Variants in STPG2 observed in about 807,000 individuals in gnomAD.
The protein encoded by STPG2 is sperm tail PG-rich repeat containing 2, also known as sperm-tail PG-rich repeat-containing protein 2.
Under a neutral mutation model 54.2 loss-of-function variants are expected in STPG2, and 56 were observed. The observed-to-expected ratio is 1.03, with a 90% CI of 0.83 to 1.29. The LOEUF (loss-of-function observed/expected upper bound fraction) is 1.29. STPG2 is among the 50% of genes most tolerant of loss of function. The probability of loss-of-function intolerance (pLI) is 0.00; values close to 1 mark genes in which losing one functional copy is unlikely to be tolerated. For synonymous variants in STPG2, 200 were observed against 181.8 expected (o/e 1.10, Z -0.81); for missense variants, 596 against 544.9 (o/e 1.09, Z -0.93).
chr4:97,565,553 G>A (rs150028082), intron 10 of STPG2, among the ~76,000 whole-genome samples: 6,002 of 152,062 alleles, frequency 0.039, 323 homozygotes, highest in African/African-American at 0.12. Flanking sequence ...TTTTTTCCCC[G>A]TCTTTGTGGT....
At chr4:97,992,981 G>A (rs1396580720) in intron 5 of STPG2, among the ~76,000 whole-genome samples, 1 of 152,140 alleles carries the variant, frequency 6.6e-6, no homozygotes, top group Non-Finnish European at 1.5e-5. Context: ...GAGCTTTTTG[G>A]ATGAATCTTT....
intron 4 of STPG2, among the ~76,000 whole-genome samples, chr4:97,483,706 T>C (rs1730281450): frequency 6.6e-6 from 1 of 151,758 alleles, no homozygotes; most frequent in Admixed American, 6.6e-5. Context: ...ATTTGAACTA[T>C]ACCATGAAAC....
intron 9 of STPG2, among the ~76,000 whole-genome samples, chr4:97,821,319 G>A (rs535949653): frequency 6.6e-6 from 1 of 152,342 alleles, no homozygotes; most frequent in African/African-American, 2.4e-5. Flanking sequence ...GCAAACTGCA[G>A]TAAGGAGTGG....
chr4:98,032,621 C>T (rs1279176888), intron 5 of STPG2, among the ~76,000 whole-genome samples: 1 of 152,154 alleles, frequency 6.6e-6, no homozygotes, highest in Non-Finnish European at 1.5e-5. Flanking sequence ...ACTCTCCACC[C>T]CAAATCAACA....
intron 4 of STPG2, among the ~76,000 whole-genome samples, chr4:97,467,623 T>G (rs141487294): frequency 6.6e-6 from 1 of 151,974 alleles, no homozygotes; most frequent in Non-Finnish European, 1.5e-5. Flanking sequence ...GTTAACTGAC[T>G]ATACTCAAAA....
chr4:97,548,487 T>C (rs763407734), intron 4 of STPG2, among the ~76,000 whole-genome samples: 8 of 152,206 alleles, frequency 5.3e-5, no homozygotes, highest in Non-Finnish European at 8.8e-5. Flanking sequence ...TGTTCACAAC[T>C]ACATTCCCAG....
chr4:98,132,935 C>G (rs1485691360), intron 2 of STPG2, among the ~76,000 whole-genome samples: 3 of 135,504 alleles, frequency 2.2e-5, no homozygotes, highest in Non-Finnish European at 3.2e-5. Flanking sequence ...AAATTTTTAC[C>G]CCTGAAATGA....
chr4:97,784,139 G>A (rs1307127056), intron 9 of STPG2, among the ~76,000 whole-genome samples: 1 of 149,200 alleles, frequency 6.7e-6, no homozygotes, highest in Non-Finnish European at 1.5e-5. Flanking sequence ...AAAACACTCA[G>A]CCTAGGCAAC....
At chr4:97,981,816 T>TTATATATATAAAATGTTTATATATATA (rs1560621629) in intron 5 of STPG2, among the ~76,000 whole-genome samples, 2 of 129,266 alleles carry the variant, frequency 1.5e-5, no homozygotes, top group African/African-American at 5.7e-5. Context: ...CTTATTAACA[T>TTATATATATAAAATGTTTATATATATA]TATATATATA....
At chr4:97,495,078 A>G (rs1730578563) in intron 4 of STPG2, among the ~76,000 whole-genome samples, 1 of 151,576 alleles carries the variant, frequency 6.6e-6, no homozygotes, top group Non-Finnish European at 1.5e-5. Context: ...TTAGTGTTTC[A>G]GAGAACAATT....
At chr4:97,840,500 GT>G (rs548852172) in intron 9 of STPG2, among the ~76,000 whole-genome samples, 22 of 151,702 alleles carry the variant, frequency 1.5e-4, no homozygotes, top group Admixed American at 8.6e-4. Context: ...TGCAAATGTT[GT>G]TTACAATCAC....
intron 9 of STPG2, 107 bp from the exon 10 acceptor site, chr4:97,712,921 A>C (rs1350937235): frequency 3.3e-6 from 2 of 606,228 alleles, no homozygotes; most frequent in Admixed American, 7.5e-5. Context: ...ATTAGCATGA[A>C]ACAATCTTGA....
intron 5 of STPG2, among the ~76,000 whole-genome samples, chr4:98,013,581 T>G (rs973072773): frequency 6.1e-5 from 1 of 16,366 alleles, no homozygotes; most frequent in South Asian, 2.8e-3. Flanking sequence ...GGTCCTGGGC[T>G]TTTTTTTTTT....
chr4:97,650,604 G>T (rs1426343680), intron 10 of STPG2, among the ~76,000 whole-genome samples: 1 of 152,106 alleles, frequency 6.6e-6, no homozygotes, highest in African/African-American at 2.4e-5. Flanking sequence ...TGAGATAAAA[G>T]ATTGTGGAGA....
Position 98,143,080 on chromosome 4 carries a change from C to G in STPG2, c.71G>C (p.Gly24Ala), listed in dbSNP as rs1405507350. ...CTTCAGGAAAGGTACCTGGTAGGATCCAGGACCCACATGGGCCTCAGTGCT... is the reference window on the plus strand; with the variant it reads ...CTTCAGGAAAGGTACCTGGTAGGATGCAGGACCCACATGGGCCTCAGTGCT... ...GGSTEAHVGP[G>A]SYQVPFLKQQ... Residue 24 changes from glycine (G) to alanine (A), a missense_variant, in exon 1 of 11, where the codon GGA becomes GCA. By Grantham distance (60) the Gly-to-Ala change is moderately conservative (BLOSUM62 0). Transcript: ENST00000295268. 6.2e-7 allele frequency: 1 copy of G among 1,613,814 alleles called. No individual in the cohort carries two copies. The highest frequency in any genetic ancestry group is 1.7e-5 in the Admixed American group (1 of 60,010).
At chr4:97,655,257 C>A (rs1392442766) in intron 10 of STPG2, among the ~76,000 whole-genome samples, 1 of 151,916 alleles carries the variant, frequency 6.6e-6, no homozygotes, top group Non-Finnish European at 1.5e-5. Flanking sequence ...AATGACCAAA[C>A]GTTTGTATAT....
intron 9 of STPG2, among the ~76,000 whole-genome samples, chr4:97,823,775 T>A (rs1426261935): frequency 1.3e-5 from 2 of 152,136 alleles, no homozygotes; most frequent in Non-Finnish European, 2.9e-5. Flanking sequence ...GTAAGTGGGA[T>A]GAATTTACCC....
At chr4:98,110,403 C>A (rs1488365070) in intron 3 of STPG2, among the ~76,000 whole-genome samples, 3 of 152,048 alleles carry the variant, frequency 2.0e-5, no homozygotes, top group Non-Finnish European at 4.4e-5. Context: ...AGCATATGAC[C>A]CTCTAGGCGC....
At chr4:97,881,954 T>C (rs1374341484) in intron 8 of STPG2, among the ~76,000 whole-genome samples, 3 of 152,156 alleles carry the variant, frequency 2.0e-5, no homozygotes, top group African/African-American at 7.2e-5. Flanking sequence ...TAATTGACTT[T>C]TCTTTTTCTC....
Sources: allele counts gnomAD v4.1 joint callset (sites outside exome capture counted in the v4.1 genomes callset), GRCh38; gene constraint gnomAD v4.1.1; transcripts MANE v1.5; gene names NCBI Gene and HGNC (gene_info 2026-07-23, HGNC 2026-07-21).